The following SAXO1 variants were observed in gnomAD, a reference collection of about 807,000 sequenced individuals.
SAXO1 encodes the protein 4930500O09Rik.
A neutral mutation model predicts 17.5 loss-of-function variants in SAXO1; 21 were observed. The observed-to-expected ratio is 1.20, with a 90% CI of 0.85 to 1.72. SAXO1 has a LOEUF of 1.72. Ranked by LOEUF, SAXO1 falls within the 40% of genes most tolerant of loss-of-function variation. SAXO1 has a pLI of 0.00. For synonymous variants in SAXO1, 274 were observed against 216.5 expected (o/e 1.27, Z -2.33); for missense variants, 843 against 596.0 (o/e 1.41, Z -4.32).
At chr9:19,001,362 G>C (rs375299181) in intron 1 of SAXO1, among the ~76,000 whole-genome samples, 16 of 152,220 alleles carry the variant, frequency 1.1e-4, no homozygotes, top group African/African-American at 3.6e-4. Context: ...ACGAAATGAA[G>C]GCAGAAATAA....
rs1245054083 is a variant in SAXO1, at chr9:18,927,945, T to C, written c.*107A>G. On this transcript the variant is annotated 3_prime_UTR_variant, in exon 4 of 4. Transcript: ENST00000380534. Reference sequence around the variant, plus strand: ...CTCTGGAAGTGGTGAAGGTTTTTTGTTTTTTGTTTTTTGTCATTTTAGGGA... The same window carrying C: ...CTCTGGAAGTGGTGAAGGTTTTTTGCTTTTTGTTTTTTGTCATTTTAGGGA... The C allele has an allele frequency of 1.5e-6, 2 of 1,324,470 alleles. No homozygotes were observed. Among genetic ancestry groups the C allele is most frequent in the Non-Finnish European group, 2.0e-6 (2 of 979,204 alleles). The allele number at this position is 1,324,470 out of a possible 1,614,324, so 82.0% of individuals were successfully genotyped here.
intron 1 of SAXO1, among the ~76,000 whole-genome samples, chr9:19,010,408 T>C (rs34387057): frequency 0.073 from 11,044 of 152,108 alleles, 506 homozygotes; most frequent in African/African-American, 0.12. Context: ...CAGGGGCTAT[T>C]TGCTGTTTCT....
chr9:18,970,213 A>C (rs866009698), intron 1 of SAXO1, among the ~76,000 whole-genome samples: 2 of 152,238 alleles, frequency 1.3e-5, no homozygotes, highest in African/African-American at 4.8e-5. Context: ...GTCTCATAAA[A>C]TTAATTAAGA....
Position 18,947,237 on chromosome 9 carries a change from T to C in SAXO1, c.218+3521A>G, listed in dbSNP as rs77905307. On this transcript the variant is annotated intron_variant, in intron 2 of 3. Coordinates refer to ENST00000380534, the MANE Select transcript of SAXO1 (RefSeq NM_153707.4). ...GGTGTCTCTTTGAACAAAAAATATA[T>C]ATATAAAATTCAATGGGCAGTGCAA... Among the ~76,000 whole-genome samples, 204 of 152,238 alleles carry C rather than the reference T, an allele frequency of 1.3e-3. 4 individuals are homozygous for C. In the East Asian group the frequency reaches 0.038, roughly 28 times the overall value.
intron 1 of SAXO1, among the ~76,000 whole-genome samples, chr9:19,022,025 T>G (rs1377042146): frequency 1.3e-5 from 2 of 152,244 alleles, no homozygotes; most frequent in Non-Finnish European, 2.9e-5. Flanking sequence ...GTTCTTTTGC[T>G]CTTCACAATA....
chr9:19,047,539 T>C (rs541715864), intron 1 of SAXO1, among the ~76,000 whole-genome samples: 2 of 152,138 alleles, frequency 1.3e-5, no homozygotes, highest in East Asian at 3.9e-4. Flanking sequence ...TCCAGTACAA[T>C]GCAAATTTGG....
chr9:18,988,866 T>C (rs947759347), intron 1 of SAXO1, among the ~76,000 whole-genome samples: 80 of 152,188 alleles, frequency 5.3e-4, no homozygotes, highest in African/African-American at 1.6e-3. Context: ...TCACTTTACA[T>C]TGGCTTCCAG....
chr9:19,029,441 T>C (rs576145324), intron 1 of SAXO1, among the ~76,000 whole-genome samples: 4 of 152,168 alleles, frequency 2.6e-5, no homozygotes, highest in Non-Finnish European at 5.9e-5. Flanking sequence ...TCATGCATGC[T>C]TGTCTTCCAG....
At chr9:19,023,875 T>C (rs963482587) in intron 1 of SAXO1, among the ~76,000 whole-genome samples, 2 of 151,952 alleles carry the variant, frequency 1.3e-5, no homozygotes, top group African/African-American at 4.8e-5. Context: ...CCAGGCACAG[T>C]AGCTCCTCAC....
rs755224703 is a variant in SAXO1, at chr9:18,928,776, A to T, written c.701T>A (p.Phe234Tyr). The change falls in exon 4 of 4, where the codon TTT (phenylalanine) becomes TAT (tyrosine). Residue 234 changes from phenylalanine to tyrosine, a missense_variant. Physicochemically the swap from Phe to Tyr is conservative, Grantham distance 22. Transcript: ENST00000380534. ...AEKFRPCEIP[F>Y]ESLTTQKQSY... ...TTGTTTTTGAGTGGTAAGGCTTTCA[A>T]AGGGGATTTCACAGGGCCTGAACTT... 5.0e-6 allele frequency: 8 copies of T among 1,614,124 alleles called. No homozygotes were observed. The South Asian group carries it at 8.8e-5, about 18-fold the overall frequency.
chr9:19,020,786 CAT>C (rs776052652), intron 1 of SAXO1, among the ~76,000 whole-genome samples: 68 of 152,150 alleles, frequency 4.5e-4, no homozygotes, highest in Non-Finnish European at 8.1e-4. Flanking sequence ...AAATGTTGAA[CAT>C]GACAAAGCTA....
intron 1 of SAXO1, among the ~76,000 whole-genome samples, chr9:18,994,935 G>T (rs1043778945): frequency 6.6e-6 from 1 of 152,106 alleles, no homozygotes; most frequent in Non-Finnish European, 1.5e-5. Context: ...ATTCTTAAAG[G>T]CCTCAAAAGA....
At chr9:18,966,174 A>AT (rs1264371080) in intron 1 of SAXO1, among the ~76,000 whole-genome samples, 3 of 151,864 alleles carry the variant, frequency 2.0e-5, no homozygotes, top group Non-Finnish European at 2.9e-5. Flanking sequence ...TGCCCTTAAC[A>AT]TTTTTTTCAT....
chr9:19,000,184 G>C (rs1345139967), intron 1 of SAXO1, among the ~76,000 whole-genome samples: 3 of 151,494 alleles, frequency 2.0e-5, no homozygotes, highest in Non-Finnish European at 2.9e-5. Context: ...CCCTGTCTGG[G>C]AAGTGAGGAG....
intron 1 of SAXO1, among the ~76,000 whole-genome samples, chr9:18,991,559 C>T (rs1014474370): frequency 6.6e-6 from 1 of 151,946 alleles, no homozygotes; most frequent in Non-Finnish European, 1.5e-5. Context: ...CACCCTGGGG[C>T]TTGTCGCGGA....
rs1411660059 is a variant in SAXO1 at position 18,927,862 on chromosome 9, T to C, written c.*190A>G. 10 of 585,090 alleles carry C rather than the reference T, an allele frequency of 1.7e-5. No individual in the cohort carries two copies. Among genetic ancestry groups the C allele is most frequent in the Non-Finnish European group, 2.8e-5 (10 of 351,992 alleles). 36.2% of individuals were successfully genotyped at this position (585,090 alleles called of 1,614,324 possible). On this transcript the variant is annotated 3_prime_UTR_variant, in exon 4 of 4. Coordinates refer to ENST00000380534, the MANE Select transcript of SAXO1 (RefSeq NM_153707.4). ...AAAGGAGAAGGTAAGGGGAGTTAATTAGCCGGTGATTAAATGTCATTTTCC... is the reference window on the plus strand; with the variant it reads ...AAAGGAGAAGGTAAGGGGAGTTAATCAGCCGGTGATTAAATGTCATTTTCC...
intron 1 of SAXO1, among the ~76,000 whole-genome samples, chr9:18,962,540 G>A (rs1832530595): frequency 6.6e-6 from 1 of 152,234 alleles, no homozygotes; most frequent in African/African-American, 2.4e-5. Flanking sequence ...CCCTTTGTCA[G>A]ATGGACAGAT....
chr9:18,929,811 T>G (rs187795855), intron 3 of SAXO1, among the ~76,000 whole-genome samples: 2 of 152,310 alleles, frequency 1.3e-5, no homozygotes, highest in Admixed American at 6.5e-5. Flanking sequence ...TGGCTAGAAG[T>G]GGAAAAGCAC....
At chr9:18,998,008 G>A (rs1320170810) in intron 1 of SAXO1, among the ~76,000 whole-genome samples, 3 of 152,172 alleles carry the variant, frequency 2.0e-5, no homozygotes, top group Non-Finnish European at 2.9e-5. Context: ...CTAACATGGA[G>A]AGAAACCAGA....
Sources: gnomAD v4.1 joint callset for allele counts (sites outside exome capture counted in the v4.1 genomes callset) on GRCh38, gnomAD v4.1.1 for gene constraint, MANE v1.5 for transcripts, NCBI Gene and HGNC (gene_info 2026-07-23, HGNC 2026-07-21) for gene names.